TRAPPC10: variants seen among roughly 807,000 people sequenced by gnomAD.
The protein encoded by TRAPPC10 is TRAPP 130 kDa subunit.
TRAPPC10 carries 23 observed loss-of-function variants against 125.5 expected under a neutral mutation model. The observed-to-expected ratio is 0.18, with a 90% CI of 0.13 to 0.26. TRAPPC10 has a LOEUF of 0.26. Among genes scored for constraint, TRAPPC10 ranks in the 10% least tolerant of loss-of-function variants. TRAPPC10 has a pLI of 1.00. For missense variants in TRAPPC10, 1,123 were observed against 1,308.4 expected, an observed-to-expected ratio of 0.86 and a Z score of 2.19; for synonymous variants, 509 against 518.0, an observed-to-expected ratio of 0.98 and a Z score of 0.24.
Position 44,062,098 on chromosome 21 carries a change from C to G in TRAPPC10, c.791-1440C>G, listed in dbSNP as rs541748964. On this transcript the variant is annotated intron_variant, in intron 6 of 22. Coordinates refer to ENST00000291574, the MANE Select transcript of TRAPPC10 (RefSeq NM_003274.5). ...TGCATGTGAGAAGGAGCCTTCAAGGCTGAAATATCTTACATATTTCTTATA... is the reference window on the plus strand; with the variant it reads ...TGCATGTGAGAAGGAGCCTTCAAGGGTGAAATATCTTACATATTTCTTATA... Among the ~76,000 whole-genome samples the G allele has an allele frequency of 3.9e-5, 6 of 152,336 alleles. No homozygotes were observed. In the South Asian group the frequency reaches 1.2e-3, roughly 32 times the overall value.
chr21:44,032,289 G>T, intron 2 of TRAPPC10, 117 bp downstream of exon 2: 4 of 678,008 alleles, frequency 5.9e-6, no homozygotes, highest in Admixed American at 3.1e-5. Flanking sequence ...AGTAGCACAA[G>T]TTAAAAGCCT....
intron 6 of TRAPPC10, among the ~76,000 whole-genome samples, chr21:44,061,467 C>T (rs1299460447): frequency 1.3e-5 from 2 of 151,302 alleles, no homozygotes; most frequent in Non-Finnish European, 2.9e-5. Context: ...TGGGGTTTCA[C>T]CTTGTTGGCC....
At chr21:44,052,936 T>A (rs17004622) in intron 4 of TRAPPC10, among the ~76,000 whole-genome samples, 2,462 of 152,252 alleles carry the variant, frequency 0.016, 68 homozygotes, top group African/African-American at 0.055. Flanking sequence ...TGGCAGTTAA[T>A]AGATTGTATG....
At chr21:44,070,652 C>T (rs1047722195) in intron 7 of TRAPPC10, among the ~76,000 whole-genome samples, 4 of 152,234 alleles carry the variant, frequency 2.6e-5, no homozygotes, top group Admixed American at 6.5e-5. Flanking sequence ...TTTGTTTGGA[C>T]GACTCAAAGC....
chr21:44,093,167 A>T (rs1040809745), intron 19 of TRAPPC10, among the ~76,000 whole-genome samples: 38 of 152,174 alleles, frequency 2.5e-4, no homozygotes, highest in African/African-American at 8.0e-4. Flanking sequence ...GCTATATATT[A>T]ATTAATATCC....
chr21:44,015,771 T>G (rs2031767678), intron 1 of TRAPPC10, among the ~76,000 whole-genome samples: 1 of 152,028 alleles, frequency 6.6e-6, no homozygotes, highest in Admixed American at 6.6e-5. Context: ...TACACCACCA[T>G]GCCCACCTAA....
At position 44,059,172 on chromosome 21, in the gene TRAPPC10, G is replaced by A; in HGVS notation, c.748G>A (p.Asp250Asn). 2 of 1,612,042 alleles carry A rather than the reference G, an allele frequency of 1.2e-6. No homozygotes were observed. Among genetic ancestry groups the A allele is most frequent in the Non-Finnish European group, 1.7e-6 (2 of 1,179,248 alleles). Reference sequence around the variant, plus strand: ...CGCCCTGGTGCAGTACGACGAACTGGACGCCCTCTTCTCTCAGTATGTGGT... The same window carrying A: ...CGCCCTGGTGCAGTACGACGAACTGAACGCCCTCTTCTCTCAGTATGTGGT... ...EDALVQYDEL[D>N]ALFSQYVVNF... The change falls in exon 6 of 23, where the codon GAC (aspartate) becomes AAC (asparagine). Residue 250 changes from aspartate (D) to asparagine (N), a missense_variant. Coordinates refer to ENST00000291574, the MANE Select transcript of TRAPPC10 (RefSeq NM_003274.5). This position sits in a 1 kb window ranked among gnomAD's most constrained non-coding sequence, Gnocchi z 4.4.
intron 3 of TRAPPC10, among the ~76,000 whole-genome samples, chr21:44,049,208 G>A (rs769828504): frequency 1.3e-5 from 2 of 152,138 alleles, no homozygotes; most frequent in Non-Finnish European, 2.9e-5. Context: ...TCTGTATTTC[G>A]TGTGTAGCTG....
At chr21:44,013,765 C>T (rs907151369) in intron 1 of TRAPPC10, among the ~76,000 whole-genome samples, 3 of 152,210 alleles carry the variant, frequency 2.0e-5, no homozygotes, top group Non-Finnish European at 4.4e-5. Context: ...AGATGATAGA[C>T]TTTTCTTAGG....
chr21:44,087,112 C>A lies in TRAPPC10; in HGVS notation c.2539+152C>A. The A allele has an allele frequency of 2.3e-6, 2 of 858,796 alleles. No homozygotes were observed. The highest frequency in any genetic ancestry group is 3.5e-6 in the Non-Finnish European group (2 of 567,314). The allele number at this position is 858,796 out of a possible 1,614,324, so 53.2% of individuals were successfully genotyped here. On this transcript the variant is annotated intron_variant, in intron 16 of 22. Transcript: ENST00000291574. This position sits in a 1 kb window ranked among gnomAD's most constrained non-coding sequence, Gnocchi z 4.6. ...TCCATAGGAGCCCTGCGGCCTGATG[C>A]CTGTGCTGGGGTCCCATCTGAGGTG...
At chr21:44,054,900 C>T (rs960364528) in intron 4 of TRAPPC10, among the ~76,000 whole-genome samples, 14 of 152,112 alleles carry the variant, frequency 9.2e-5, no homozygotes, top group African/African-American at 3.1e-4. Context: ...GTGAAGATGC[C>T]ACGCCTGGGT....
At chr21:44,046,526 G>GA (rs2034824683) in intron 3 of TRAPPC10, 1 of 182,686 alleles carries the variant, frequency 5.5e-6, no homozygotes, top group African/African-American at 2.5e-5. Flanking sequence ...TTTTTTTGGG[G>GA]GGAGGATTGA....
chr21:44,020,282 A>C (rs994342958), intron 1 of TRAPPC10, among the ~76,000 whole-genome samples: 2 of 151,542 alleles, frequency 1.3e-5, no homozygotes, highest in Non-Finnish European at 2.9e-5. Context: ...GCCCACCACC[A>C]CACCTGGCTA....
intron 7 of TRAPPC10, among the ~76,000 whole-genome samples, chr21:44,069,997 G>A (rs35610725): frequency 0.31 from 47,218 of 151,730 alleles, 10,292 homozygotes; most frequent in African/African-American, 0.62. Flanking sequence ...GGGTTGAAGC[G>A]ATAAGAGAGG....
intron 1 of TRAPPC10, among the ~76,000 whole-genome samples, chr21:44,024,818 GTCCTC>G (rs1210720110): frequency 6.6e-6 from 1 of 152,088 alleles, no homozygotes; most frequent in Non-Finnish European, 1.5e-5. Flanking sequence ...TGTATGTTCT[GTCCTC>G]TCCATGCTAA....
At chr21:44,026,583 A>G (rs148157613) in intron 1 of TRAPPC10, among the ~76,000 whole-genome samples, 1 of 152,362 alleles carries the variant, frequency 6.6e-6, no homozygotes, top group East Asian at 1.9e-4. Context: ...ACTGCCTCAT[A>G]GTGGATTGCA....
At chr21:44,023,770 T>G (rs1015213539) in intron 1 of TRAPPC10, among the ~76,000 whole-genome samples, 10 of 152,176 alleles carry the variant, frequency 6.6e-5, no homozygotes, top group Non-Finnish European at 1.3e-4. Context: ...TGTTTGTTTG[T>G]TTTTTGTTTT....
Position 44,087,171 on chromosome 21 carries a change from G to A in TRAPPC10, c.2539+211G>A, listed in dbSNP as rs1449362811. On this transcript the variant is annotated intron_variant, in intron 16 of 22. Transcript: ENST00000291574. The surrounding 1 kb of genome is among the most constrained non-coding windows in gnomAD (Gnocchi z 4.6). ...AGAGTGGTTCACACGCTGAGTGGCC[G>A]AGCAGTGCTTGTCTGGCTGAGGATT... Among the ~76,000 whole-genome samples, 2 of 152,250 alleles carry A rather than the reference G, an allele frequency of 1.3e-5. No individual in the cohort carries two copies. Among genetic ancestry groups the A allele is most frequent in the East Asian group, 1.9e-4 (1 of 5,196 alleles).
At chr21:44,067,395 G>C (rs1017962548) in intron 7 of TRAPPC10, among the ~76,000 whole-genome samples, 1 of 152,160 alleles carries the variant, frequency 6.6e-6, no homozygotes, top group Admixed American at 6.5e-5. Flanking sequence ...CACCCTGCTG[G>C]GTGGGTGCTC....
Sources: gnomAD v4.1 joint callset for allele counts (sites outside exome capture counted in the v4.1 genomes callset) on GRCh38, gnomAD v4.1.1 for gene constraint, Gnocchi (gnomAD v3.1) non-coding constraint, MANE v1.5 for transcripts, NCBI Gene and HGNC (gene_info 2026-07-23, HGNC 2026-07-21) for gene names.